The following CSMD1 variants were observed in gnomAD, a reference collection of about 807,000 sequenced individuals.
CSMD1 encodes the protein CUB and Sushi multiple domains 1.
Under a neutral mutation model 417.5 loss-of-function variants are expected in CSMD1, and 213 were observed. That is an observed-to-expected ratio of 0.51 (90% CI 0.46 to 0.57). The LOEUF is 0.57. Ranked by LOEUF, CSMD1 falls within the 20% of genes least tolerant of loss-of-function variation. The probability of loss-of-function intolerance (pLI) is 0.00; values close to 1 mark genes in which losing one functional copy is unlikely to be tolerated. For missense variants in CSMD1, 6,923 were observed against 4,529.7 expected (o/e 1.53, Z -15.17); for synonymous variants, 2,862 against 1,736.8 (o/e 1.65, Z -16.11).
chr8:3,112,667 T>C lies in CSMD1; in HGVS notation c.6431-2332A>G, dbSNP rs530226328. Among the ~76,000 whole-genome samples, 19 of 152,304 alleles carry C rather than the reference T, an allele frequency of 1.2e-4. 1 individual carries two copies. The South Asian group carries it at 3.7e-3, about 30-fold the overall frequency. On this transcript the variant is annotated intron_variant, in intron 42 of 69. Transcript: ENST00000635120. ...GGGATGGAGATGCCATAGTGAACCG[T>C]AGAGACCCTGTTGCTGCCTTTGTAA...
intron 26 of CSMD1, among the ~76,000 whole-genome samples, chr8:3,260,013 C>T (rs182535698): frequency 2.0e-5 from 3 of 152,250 alleles, no homozygotes; most frequent in African/African-American, 7.2e-5. Context: ...AATAGCTACT[C>T]TCTGACTCTT....
chr8:4,294,483 T>C (rs1210236580), intron 3 of CSMD1, among the ~76,000 whole-genome samples: 1 of 152,140 alleles, frequency 6.6e-6, no homozygotes, highest in Non-Finnish European at 1.5e-5. Flanking sequence ...ATCTCTGTTG[T>C]TTCATTTAAC....
intron 3 of CSMD1, among the ~76,000 whole-genome samples, chr8:4,139,527 G>A (rs138327580): frequency 6.7e-6 from 1 of 149,346 alleles, no homozygotes; most frequent in African/African-American, 2.6e-5. Flanking sequence ...GATCTCAGGG[G>A]AGTGGCACTC....
Position 3,883,746 on chromosome 8 carries a change from A to G in CSMD1, c.818+114157T>C, listed in dbSNP as rs74773871. Among the ~76,000 whole-genome samples, 774 of 152,230 alleles carry G rather than the reference A, an allele frequency of 5.1e-3. 4 individuals are homozygous for G. Among genetic ancestry groups the G allele is most frequent in the African/African-American group, 0.015 (643 of 41,554 alleles). The stretch of plus-strand genomic sequence containing the variant: ...TGAAAGTGATTCATTGAAACAACTG[A>G]AACCAGTCATCTTAAATCCACAGGG... On this transcript the variant is annotated intron_variant, in intron 5 of 69. Transcript: ENST00000635120.
intron 3 of CSMD1, among the ~76,000 whole-genome samples, chr8:4,063,544 C>T (rs1284385410): frequency 6.6e-6 from 1 of 152,122 alleles, no homozygotes. Flanking sequence ...AAGAAAAATA[C>T]TCCTTAAGAA....
At chr8:3,862,573 T>C (rs1178969801) in intron 5 of CSMD1, among the ~76,000 whole-genome samples, 2 of 152,252 alleles carry the variant, frequency 1.3e-5, no homozygotes, top group African/African-American at 4.8e-5. Flanking sequence ...AATTATGGTA[T>C]ATTTTACTTA....
intron 3 of CSMD1, among the ~76,000 whole-genome samples, chr8:4,256,046 G>T (rs962937577): frequency 6.6e-6 from 1 of 152,164 alleles, no homozygotes; most frequent in African/African-American, 2.4e-5. Context: ...CTTTTTAGAT[G>T]CAACGATTGC....
chr8:3,127,977 A>T (rs1197390242), intron 41 of CSMD1: 2 of 140,816 alleles, frequency 1.4e-5, no homozygotes, highest in Admixed American at 1.4e-4. Flanking sequence ...GGAGGGAAGG[A>T]AAGAAGGGAG....
chr8:3,529,763 G>A (rs1252621973), intron 10 of CSMD1, among the ~76,000 whole-genome samples: 1 of 152,148 alleles, frequency 6.6e-6, no homozygotes, highest in South Asian at 2.1e-4. Flanking sequence ...CATGCAAAAT[G>A]CATCAACATA....
At chr8:4,899,854 T>A (rs116159115) in intron 1 of CSMD1, among the ~76,000 whole-genome samples, 2 of 152,204 alleles carry the variant, frequency 1.3e-5, no homozygotes, top group South Asian at 2.1e-4. Flanking sequence ...GATAGCTTTT[T>A]CTCTGGTGTC....
chr8:4,627,796 CATATGAATAGT>C (rs1284900249), intron 2 of CSMD1, among the ~76,000 whole-genome samples: 3 of 152,018 alleles, frequency 2.0e-5, no homozygotes, highest in Non-Finnish European at 4.4e-5. Flanking sequence ...TGTAGGCAGA[CATATGAATAGT>C]ATAGGAATAG....
chr8:4,623,615 G>T (rs965414790), intron 2 of CSMD1, among the ~76,000 whole-genome samples: 1 of 152,016 alleles, frequency 6.6e-6, no homozygotes, highest in Non-Finnish European at 1.5e-5. Flanking sequence ...ACTAAATGTG[G>T]CATAGCTGTA....
intron 1 of CSMD1, among the ~76,000 whole-genome samples, chr8:4,946,061 T>C (rs189426008): frequency 2.0e-5 from 3 of 152,142 alleles, no homozygotes; most frequent in African/African-American, 7.2e-5. Flanking sequence ...TCCTTCAGCA[T>C]TGCCGCTGGC....
At chr8:4,056,332 G>A (rs541216519) in intron 3 of CSMD1, among the ~76,000 whole-genome samples, 48 of 150,824 alleles carry the variant, frequency 3.2e-4, no homozygotes, top group East Asian at 1.2e-3. Context: ...ATCCACCCGC[G>A]TCAGCCTCCC....
intron 6 of CSMD1, among the ~76,000 whole-genome samples, chr8:3,720,332 G>A (rs1288712074): frequency 6.6e-6 from 1 of 152,140 alleles, no homozygotes; most frequent in Admixed American, 6.5e-5. Context: ...AGAAGCTACT[G>A]GAAAGTGACT....
chr8:4,132,820 T>A (rs956971451), intron 3 of CSMD1, among the ~76,000 whole-genome samples: 1 of 152,234 alleles, frequency 6.6e-6, no homozygotes. Context: ...TTGATATAAA[T>A]GCAGATGATA....
At chr8:3,342,602 C>T (rs1807731462) in intron 23 of CSMD1, among the ~76,000 whole-genome samples, 1 of 152,164 alleles carries the variant, frequency 6.6e-6, no homozygotes, top group Non-Finnish European at 1.5e-5. Flanking sequence ...TGAAACACAG[C>T]ATCTCTTTTA....
chr8:3,373,355 C>T (rs1197302246), intron 18 of CSMD1: 1 of 152,212 alleles, frequency 6.6e-6, no homozygotes, highest in Non-Finnish European at 1.5e-5. Flanking sequence ...AGGAGAAAGT[C>T]AGACAGAAAG....
At chr8:4,372,768 A>C (rs1802472835) in intron 3 of CSMD1, among the ~76,000 whole-genome samples, 1 of 152,076 alleles carries the variant, frequency 6.6e-6, no homozygotes, top group Non-Finnish European at 1.5e-5. Flanking sequence ...GTAGCATTGG[A>C]TAACCCAAAG....
Sources: allele counts gnomAD v4.1 joint callset (sites outside exome capture counted in the v4.1 genomes callset), GRCh38; gene constraint gnomAD v4.1.1; transcripts MANE v1.5; gene names NCBI Gene and HGNC (gene_info 2026-07-23, HGNC 2026-07-21).